Variants in WDR48 observed in about 807,000 individuals in gnomAD.
WDR48 encodes the protein WD repeat domain 48.
WDR48 carries 22 observed loss-of-function variants against 94.0 expected under a neutral mutation model. The observed-to-expected ratio is 0.23, with a 90% CI of 0.17 to 0.33. WDR48 has a LOEUF of 0.33. Among genes scored for constraint, WDR48 ranks in the 10% least tolerant of loss-of-function variants. WDR48 has a pLI of 1.00. For missense variants in WDR48, 541 were observed against 813.8 expected (o/e 0.66, Z 4.08); for synonymous variants, 278 against 280.5 (o/e 0.99, Z 0.09).
At chr3:39,058,384 G>A (rs1198541534) in intron 1 of WDR48, among the ~76,000 whole-genome samples, 2 of 152,204 alleles carry the variant, frequency 1.3e-5, no homozygotes, top group Non-Finnish European at 1.5e-5. Flanking sequence ...AGGAAATACC[G>A]TTGAAGAGGT....
At chr3:39,067,417 C>T (rs919384031) in intron 5 of WDR48, among the ~76,000 whole-genome samples, 3 of 152,134 alleles carry the variant, frequency 2.0e-5, no homozygotes, top group Non-Finnish European at 4.4e-5. Flanking sequence ...CCAGAAGAGC[C>T]AGAACGGTAG....
chr3:39,060,696 T>C (rs2033203702), intron 1 of WDR48, among the ~76,000 whole-genome samples: 1 of 152,232 alleles, frequency 6.6e-6, no homozygotes, highest in African/African-American at 2.4e-5. Flanking sequence ...ATTTTTATGC[T>C]GGCCAGGTGC....
chr3:39,054,839 G>A (rs1449441644), intron 1 of WDR48, among the ~76,000 whole-genome samples: 2 of 152,152 alleles, frequency 1.3e-5, no homozygotes, highest in Admixed American at 6.5e-5. Context: ...AGTCAAAAAA[G>A]CAAGTCAACA....
At position 39,091,710 on chromosome 3, in the gene WDR48, A is replaced by G; in HGVS notation, c.1745+9A>G. ...GCAAAAACCTTAAAAAAGTAAGTAAATATATGGTTTCTTGATCTAATTAAC... is the reference window on the plus strand; with the variant it reads ...GCAAAAACCTTAAAAAAGTAAGTAAGTATATGGTTTCTTGATCTAATTAAC... On this transcript the variant is annotated intron_variant, in intron 17 of 18. Coordinates refer to ENST00000302313, the MANE Select transcript of WDR48 (RefSeq NM_020839.4). 1 of 1,592,868 alleles carries G rather than the reference A, an allele frequency of 6.3e-7. No individual in the cohort carries two copies. The highest frequency in any genetic ancestry group is 8.5e-7 in the Non-Finnish European group (1 of 1,170,300).
At chr3:39,068,638 T>C (rs2033755150) in intron 5 of WDR48, 133 bp from the exon 6 acceptor site, 1 of 582,454 alleles carries the variant, frequency 1.7e-6, no homozygotes, top group East Asian at 2.6e-5. Flanking sequence ...ATCTCCATTA[T>C]AGGTAGATTT....
At chr3:39,052,123 G>T in intron 1 of WDR48, 50 bp downstream of exon 1, 1 of 1,607,930 alleles carries the variant, frequency 6.2e-7, no homozygotes, top group South Asian at 1.1e-5. Context: ...GCAGCTCCGG[G>T]CCCACTCCAG....
intron 15 of WDR48, among the ~76,000 whole-genome samples, chr3:39,088,910 T>A (rs2034948507): frequency 6.6e-6 from 1 of 152,156 alleles, no homozygotes; most frequent in Non-Finnish European, 1.5e-5. Flanking sequence ...TGTGTGAAAG[T>A]CTCTGCCATG....
At chr3:39,087,187 T>A (rs758005649) in intron 14 of WDR48, among the ~76,000 whole-genome samples, 1 of 152,190 alleles carries the variant, frequency 6.6e-6, no homozygotes, top group Non-Finnish European at 1.5e-5. Flanking sequence ...GAAAGTGTCA[T>A]GAATGAATTG....
chr3:39,063,501 A>T (rs1468170711), intron 2 of WDR48, among the ~76,000 whole-genome samples: 1 of 152,212 alleles, frequency 6.6e-6, no homozygotes, highest in Non-Finnish European at 1.5e-5. Context: ...TTTTTGCTTT[A>T]AATATGTTCC....
intron 11 of WDR48, among the ~76,000 whole-genome samples, chr3:39,083,106 A>C (rs1019042527): frequency 3.9e-5 from 6 of 152,214 alleles, no homozygotes; most frequent in Non-Finnish European, 7.3e-5. Flanking sequence ...AGATGTGACT[A>C]ACATCATGGA....
At chr3:39,093,802 A>G in intron 17 of WDR48, 72 bp from the exon 18 acceptor site, 2 of 1,356,114 alleles carry the variant, frequency 1.5e-6, no homozygotes, top group Non-Finnish European at 1.9e-6. Flanking sequence ...TTTGCATCAA[A>G]GAAAAATAAT....
Position 39,074,897 on chromosome 3 carries a change from A to C in WDR48, c.844A>C (p.Arg282=). The change falls in exon 8 of 19, where the codon AGA becomes CGA. Residue 282 remains arginine (R), a synonymous_variant. Coordinates refer to ENST00000302313, the MANE Select transcript of WDR48 (RefSeq NM_020839.4). ...RDRKIYCTDL[R]NPDIRVLICE... is the part of the protein sequence containing the mutation. ...CAGGAAGATTTATTGTACAGACCTA[A>C]GAAACCCTGACATTCGGGTGCTAAT... 2 of 1,614,256 alleles carry C rather than the reference A, an allele frequency of 1.2e-6. No individual in the cohort carries two copies. The highest frequency in any genetic ancestry group is 2.2e-5 in the South Asian group (2 of 91,088).
chr3:39,070,454 T>C (rs1575409053), intron 7 of WDR48, among the ~76,000 whole-genome samples: 1 of 152,298 alleles, frequency 6.6e-6, no homozygotes, highest in South Asian at 2.1e-4. Context: ...GGTAGAAAGA[T>C]GATGAGGTGA....
At chr3:39,074,478 A>G (rs938092457) in intron 7 of WDR48, among the ~76,000 whole-genome samples, 1 of 152,238 alleles carries the variant, frequency 6.6e-6, no homozygotes, top group African/African-American at 2.4e-5. Flanking sequence ...TTTTACTTGC[A>G]GATTAGTGAA....
At chr3:39,082,170 C>T (rs1282920843) in intron 11 of WDR48, among the ~76,000 whole-genome samples, 1 of 151,936 alleles carries the variant, frequency 6.6e-6, no homozygotes, top group Non-Finnish European at 1.5e-5. Context: ...GAGGCTGTTG[C>T]ACTAATACAG....
chr3:39,079,758 A>G lies in WDR48; in HGVS notation c.1123A>G (p.Ile375Val). Reference protein sequence around the residue: ...QCHILNDKRHILTKDTNNNVA... With the variant: ...QCHILNDKRHVLTKDTNNNVA... Reference sequence around the variant, plus strand: ...CCACATTCTTAATGATAAGAGACATATATTAACCAAAGATACCAATAATAA... The same window carrying G: ...CCACATTCTTAATGATAAGAGACATGTATTAACCAAAGATACCAATAATAA... Residue 375 changes from isoleucine (I) to valine (V), a missense_variant, in exon 11 of 19, where the codon ATA (isoleucine) becomes GTA (valine). Ile to Val is a conservative substitution (Grantham distance 29). Around this residue, in one of 5 missense-constraint regions of WDR48, gnomAD observed 238 missense variants for 285.3 expected, o/e 0.83. Transcript: ENST00000302313. The G allele has an allele frequency of 6.4e-7, 1 of 1,557,456 alleles. No individual in the cohort carries two copies. Among genetic ancestry groups the G allele is most frequent in the Non-Finnish European group, 8.6e-7 (1 of 1,160,042 alleles).
At chr3:39,067,492 G>C (rs1004459109) in intron 5 of WDR48, among the ~76,000 whole-genome samples, 1 of 152,158 alleles carries the variant, frequency 6.6e-6, no homozygotes, top group African/African-American at 2.4e-5. Flanking sequence ...AGAGATCTCA[G>C]ACTACCAAGT....
chr3:39,086,435 A>G (rs1342414906), intron 14 of WDR48: 1 of 152,206 alleles, frequency 6.6e-6, no homozygotes, highest in Non-Finnish European at 1.5e-5. Flanking sequence ...TTCACCCATA[A>G]TGATATGTGG....
At chr3:39,061,173 A>G (rs1051676204) in intron 1 of WDR48, among the ~76,000 whole-genome samples, 2 of 152,164 alleles carry the variant, frequency 1.3e-5, no homozygotes, top group Non-Finnish European at 2.9e-5. Flanking sequence ...ATAAGTATAC[A>G]TGTGCCATGT....
Sources: gnomAD v4.1 joint callset for allele counts (sites outside exome capture counted in the v4.1 genomes callset) on GRCh38, gnomAD v4.1.1 for gene constraint, gnomAD v4.1.1 regional missense constraint, MANE v1.5 for transcripts, NCBI Gene and HGNC (gene_info 2026-07-23, HGNC 2026-07-21) for gene names.